ERLEC1: variants seen among roughly 807,000 people sequenced by gnomAD.
ERLEC1 encodes the protein endoplasmic reticulum lectin 1, also known as ER lectin.
ERLEC1 carries 47 observed loss-of-function variants against 68.0 expected under a neutral mutation model. That is an observed-to-expected ratio of 0.69 (90% CI 0.55 to 0.88). The LOEUF (loss-of-function observed/expected upper bound fraction) is 0.88, where lower values mean the gene tolerates loss of function less well. Among genes scored for constraint, ERLEC1 ranks in the 40% least tolerant of loss-of-function variants. The pLI, the probability that ERLEC1 is intolerant of heterozygous loss-of-function variation, is 0.00. For synonymous variants in ERLEC1, 225 were observed against 203.2 expected (o/e 1.11, Z -0.91); for missense variants, 567 against 583.8 (o/e 0.97, Z 0.30).
chr2:53,787,974 T>C (rs903224544), intron 1 of ERLEC1, among the ~76,000 whole-genome samples: 1 of 152,228 alleles, frequency 6.6e-6, no homozygotes, highest in African/African-American at 2.4e-5. Flanking sequence ...ACGACTGTTA[T>C]TTGAGTCCCC....
chr2:53,801,431 C>A lies in ERLEC1; in HGVS notation c.560C>A (p.Pro187Gln), dbSNP rs774036558. 6 of 1,613,688 alleles carry A rather than the reference C, an allele frequency of 3.7e-6. No individual in the cohort carries two copies. In the South Asian group the frequency reaches 6.6e-5, roughly 18 times the overall value. The change falls in exon 7 of 14, where the codon CCA becomes CAA. Residue 187 changes from proline to glutamine, a missense_variant. Physicochemically the swap from Pro to Gln is moderately conservative, Grantham distance 76 (BLOSUM62 -1). Transcript: ENST00000185150. ...PTKNIEGQMTPYYPVGMGNGT... is the reference protein window; with the variant it reads ...PTKNIEGQMTQYYPVGMGNGT... ...AAAAATATCGAAGGTCAGATGACACCATACTATCCTGTGGGAATGGGAAAT... is the reference window on the plus strand; with the variant it reads ...AAAAATATCGAAGGTCAGATGACACAATACTATCCTGTGGGAATGGGAAAT...
At chr2:53,790,281 A>T (rs919621196) in intron 1 of ERLEC1, among the ~76,000 whole-genome samples, 1 of 151,962 alleles carries the variant, frequency 6.6e-6, no homozygotes, top group African/African-American at 2.4e-5. Context: ...TATTTTTAGT[A>T]GAGATGAGGT....
intron 13 of ERLEC1, 65 bp downstream of exon 13, chr2:53,815,000 T>A: frequency 2.2e-6 from 2 of 903,634 alleles, no homozygotes; most frequent in Non-Finnish European, 3.3e-6. Context: ...TTTTTCTTTT[T>A]TTTTTTTTTT....
At chr2:53,793,005 CA>C (rs58494548) in intron 1 of ERLEC1, among the ~76,000 whole-genome samples, 287 of 127,582 alleles carry the variant, frequency 2.2e-3, no homozygotes, top group Middle Eastern at 4.2e-3. Flanking sequence ...GACCCTGTCT[CA>C]AAAAAAAAAA....
At chr2:53,801,270 A>C (rs1675987474) in intron 6 of ERLEC1, 127 bp from the exon 7 acceptor site, 1 of 616,888 alleles carries the variant, frequency 1.6e-6, no homozygotes, top group East Asian at 2.8e-5. Context: ...TAAAATATAG[A>C]AGTGTTACCT....
intron 6 of ERLEC1, among the ~76,000 whole-genome samples, chr2:53,800,973 C>T (rs1054129560): frequency 4.6e-5 from 7 of 151,936 alleles, no homozygotes; most frequent in Non-Finnish European, 1.0e-4. Context: ...AGCCTTCAGA[C>T]CTATCAAATC....
chr2:53,807,955 G>A (rs1177695100), intron 8 of ERLEC1, among the ~76,000 whole-genome samples: 2 of 151,914 alleles, frequency 1.3e-5, no homozygotes, highest in Non-Finnish European at 2.9e-5. Flanking sequence ...AACCCAGGAA[G>A]CGGAGGTTGT....
At chr2:53,787,411 TGACAC>T (rs781162220) in intron 1 of ERLEC1, 39 bp downstream of exon 1, 22 of 1,583,316 alleles carry the variant, frequency 1.4e-5, no homozygotes, top group Admixed American at 1.7e-5. Context: ...CCCCTCCTCC[TGACAC>T]TAAGGGTTCG....
chr2:53,816,192 T>G (rs1157113406), intron 13 of ERLEC1, among the ~76,000 whole-genome samples: 11 of 151,836 alleles, frequency 7.2e-5, no homozygotes, highest in African/African-American at 2.7e-4. Context: ...GCAATTCTTG[T>G]GCCTCAGCCT....
intron 12 of ERLEC1, 93 bp downstream of exon 12, chr2:53,814,713 A>G (rs907216486): frequency 1.9e-6 from 2 of 1,037,376 alleles, no homozygotes; most frequent in South Asian, 1.5e-5. Flanking sequence ...ATTATGAATA[A>G]TTATGAAAGT....
At chr2:53,801,339 C>G in intron 6 of ERLEC1, 58 bp from the exon 7 acceptor site, 2 of 1,294,906 alleles carry the variant, frequency 1.5e-6, no homozygotes, top group Non-Finnish European at 2.2e-6. Flanking sequence ...TCCTCTCCCA[C>G]CCCCAGTCCC....
At position 53,818,500 on chromosome 2, in the gene ERLEC1, A is replaced by G. The variant is rs1677016154; in HGVS notation, c.*531A>G. Reference sequence around the variant, plus strand: ...TTAAACTAGAAACTGGGCACATGGTAGAGGCTCACATGGGAGTTGTCCTCA... The same window carrying G: ...TTAAACTAGAAACTGGGCACATGGTGGAGGCTCACATGGGAGTTGTCCTCA... On this transcript the variant is annotated 3_prime_UTR_variant, in exon 14 of 14. Transcript: ENST00000185150. 2.0e-5 allele frequency: 3 copies of G among 152,340 alleles called. No homozygotes were observed. The allele number at this position is 152,340 out of a possible 1,614,324, so 9.4% of individuals were successfully genotyped here. A position where few individuals can be genotyped will look rare whatever the true frequency, so the allele number is the denominator to read the frequency against.
At chr2:53,799,138 A>G (rs1270575994) in intron 6 of ERLEC1, 57 bp downstream of exon 6, 1 of 1,440,586 alleles carries the variant, frequency 6.9e-7, no homozygotes. Flanking sequence ...TGAGGTATGA[A>G]TTTATATAAC....
intron 13 of ERLEC1, among the ~76,000 whole-genome samples, chr2:53,816,100 G>C (rs1206321956): frequency 6.6e-6 from 1 of 152,016 alleles, no homozygotes; most frequent in African/African-American, 2.4e-5. Flanking sequence ...AAAGTGCAGG[G>C]ATTATAGGCA....
At chr2:53,796,515 A>G (rs1244758385) in intron 3 of ERLEC1, among the ~76,000 whole-genome samples, 2 of 151,788 alleles carry the variant, frequency 1.3e-5, no homozygotes, top group African/African-American at 4.8e-5. Flanking sequence ...GCTAGAGTAT[A>G]GTGGCATGAT....
chr2:53,795,512 C>A (rs563365187), intron 2 of ERLEC1, among the ~76,000 whole-genome samples: 4 of 152,130 alleles, frequency 2.6e-5, no homozygotes, highest in African/African-American at 9.6e-5. Context: ...CTGAAAAGTG[C>A]CTTAAAACTT....
At chr2:53,788,776 C>G (rs1022968140) in intron 1 of ERLEC1, 10 of 152,044 alleles carry the variant, frequency 6.6e-5, no homozygotes, top group Admixed American at 3.9e-4. Flanking sequence ...ATTGAAATAC[C>G]TATGTAAAAT....
At chr2:53,801,254 A>T (rs1394902729) in intron 6 of ERLEC1, 143 bp from the exon 7 acceptor site, 3 of 577,324 alleles carry the variant, frequency 5.2e-6, no homozygotes, top group Non-Finnish European at 9.0e-6. Context: ...TATTAGAGGG[A>T]GAACTTAAAA....
In ERLEC1 at chr2:53,815,302, G is replaced by A. The variant is rs191950699; in HGVS notation, c.1380+367G>A. Among the ~76,000 whole-genome samples, 640 of 152,108 alleles carry A rather than the reference G, an allele frequency of 4.2e-3. 5 individuals are homozygous for A. Among genetic ancestry groups the A allele is most frequent in the Middle Eastern group, 0.031 (9 of 294 alleles). On this transcript the variant is annotated intron_variant, in intron 13 of 13. Transcript: ENST00000185150. ...ATTACAGGTGTGAGCCACCACGCCC[G>A]GCTGCCATGTTTTAATTTTTTGCAT...
Sources: gnomAD v4.1 joint callset for allele counts (sites outside exome capture counted in the v4.1 genomes callset) on GRCh38, gnomAD v4.1.1 for gene constraint, MANE v1.5 for transcripts, NCBI Gene and HGNC (gene_info 2026-07-23, HGNC 2026-07-21) for gene names.